ACOXL: variants seen among roughly 807,000 people sequenced by gnomAD.
The protein encoded by ACOXL is acyl-coenzyme A oxidase-like protein.
ACOXL carries 70 observed loss-of-function variants against 71.9 expected under a neutral mutation model. The ratio of observed to expected loss-of-function variants is 0.97; its 90% CI spans 0.80 to 1.19. ACOXL has a LOEUF of 1.19. ACOXL is among the 50% of genes most tolerant of loss of function. The pLI is 0.00. For missense variants in ACOXL, 703 were observed against 736.3 expected, an observed-to-expected ratio of 0.95 and a Z score of 0.52; for synonymous variants, 253 against 281.6, an observed-to-expected ratio of 0.90 and a Z score of 1.02.
At chr2:110,911,198 A>G (rs1029707728) in intron 11 of ACOXL, among the ~76,000 whole-genome samples, 1 of 152,168 alleles carries the variant, frequency 6.6e-6, no homozygotes, top group Non-Finnish European at 1.5e-5. Context: ...GAAAATTCTA[A>G]TAAACCAATC....
At position 111,118,017 on chromosome 2, in the gene ACOXL, G is replaced by T. The variant is rs1574815449; in HGVS notation, c.*201G>T. On this transcript the variant is annotated 3_prime_UTR_variant, in exon 18 of 18. Coordinates refer to ENST00000439055, the MANE Select transcript of ACOXL (RefSeq NM_001142807.4). ...GGAAAGAGATCCAGACGGTCGCCTG[G>T]TGCGCTGGATCCCTGTGCCCTTTCC... 6.2e-6 allele frequency: 4 copies of T among 647,452 alleles called. No individual in the cohort carries two copies. The South Asian group carries it at 7.8e-5, about 13-fold the overall frequency. The allele number at this position is 647,452 out of a possible 1,614,324, so 40.1% of individuals were successfully genotyped here. A position where few individuals can be genotyped will look rare whatever the true frequency, so the allele number is the denominator to read the frequency against.
chr2:110,994,884 C>T (rs1055181802), intron 13 of ACOXL, among the ~76,000 whole-genome samples: 2 of 152,156 alleles, frequency 1.3e-5, no homozygotes, highest in Non-Finnish European at 2.9e-5. Context: ...AAAACCTGAG[C>T]TTGACTGAGT....
Position 111,052,571 on chromosome 2 carries a change from G to A in ACOXL, c.1440+3283G>A, listed in dbSNP as rs145004037. Reference sequence around the variant, plus strand: ...AAGGGTAAGATAGCTGTTATCAGGAGTTGCCTCTCAGATTTCACTACAATT... The same window carrying A: ...AAGGGTAAGATAGCTGTTATCAGGAATTGCCTCTCAGATTTCACTACAATT... On this transcript the variant is annotated intron_variant, in intron 16 of 17. Coordinates refer to ENST00000439055, the MANE Select transcript of ACOXL (RefSeq NM_001142807.4). 1.5e-3 allele frequency among the ~76,000 whole-genome samples: 235 copies of A among 152,276 alleles called. 3 individuals carry two copies. The highest frequency in any genetic ancestry group is 2.8e-3 in the Non-Finnish European group (191 of 68,016).
rs543203762 is a variant in ACOXL at position 110,838,133 on chromosome 2, G to A, written c.754-3238G>A. ...TATGAGTGTGCATGTGTGCACATGC[G>A]GTGGTACACGTGTGTGCATGTATGT... On this transcript the variant is annotated intron_variant, in intron 9 of 17. Coordinates refer to ENST00000439055, the MANE Select transcript of ACOXL (RefSeq NM_001142807.4). Among the ~76,000 whole-genome samples the A allele has an allele frequency of 5.3e-5, 8 of 152,318 alleles. No homozygotes were observed. The East Asian group carries it at 5.8e-4, about 11-fold the overall frequency.
chr2:110,972,595 TACAC>T (rs1479734562), intron 12 of ACOXL, among the ~76,000 whole-genome samples: 1 of 151,650 alleles, frequency 6.6e-6, no homozygotes, highest in Admixed American at 6.6e-5. Context: ...AATACATATA[TACAC>T]ACACATGCAT....
At chr2:110,823,298 C>G (rs1688828580) in intron 9 of ACOXL, among the ~76,000 whole-genome samples, 1 of 151,372 alleles carries the variant, frequency 6.6e-6, no homozygotes, top group Non-Finnish European at 1.5e-5. Context: ...GACTGGATAG[C>G]TCGTTCTTTT....
intron 10 of ACOXL, among the ~76,000 whole-genome samples, chr2:110,850,061 C>A (rs1439053723): frequency 2.0e-5 from 3 of 152,082 alleles, no homozygotes; most frequent in African/African-American, 7.2e-5. Context: ...TATAAAAATT[C>A]AAAAACCAAG....
intron 6 of ACOXL, 38 bp downstream of exon 6, chr2:110,798,762 C>T (rs761497063): frequency 6.4e-7 from 1 of 1,561,590 alleles, no homozygotes; most frequent in Non-Finnish European, 8.8e-7. Context: ...TAATTCTCTT[C>T]ATTAGTACTA....
intron 8 of ACOXL, among the ~76,000 whole-genome samples, chr2:110,803,740 G>A (rs1247841486): frequency 6.6e-6 from 1 of 152,134 alleles, no homozygotes; most frequent in African/African-American, 2.4e-5. Flanking sequence ...CCTACAGAGT[G>A]GGAGAAAATA....
intron 16 of ACOXL, among the ~76,000 whole-genome samples, chr2:111,086,168 C>G (rs1036782225): frequency 6.6e-6 from 1 of 152,156 alleles, no homozygotes; most frequent in Non-Finnish European, 1.5e-5. Flanking sequence ...ACTACTGAAA[C>G]TATTTCAAAA....
At position 110,899,887 on chromosome 2, in the gene ACOXL, G is replaced by A. The variant is rs368429122; in HGVS notation, c.789-8902G>A. On this transcript the variant is annotated intron_variant, in intron 10 of 17. Coordinates refer to ENST00000439055, the MANE Select transcript of ACOXL (RefSeq NM_001142807.4). ...AACATTCAGGCTCCTCTCTAGGGTC[G>A]GCTGATTGACTCTGGAAAGAACTCG... is the stretch of plus-strand genomic sequence containing the variant. Among the ~76,000 whole-genome samples the A allele has an allele frequency of 4.1e-4, 63 of 152,176 alleles. No homozygotes were observed. The Middle Eastern group carries it at 0.014, about 33-fold the overall frequency.
At chr2:111,076,523 C>T (rs1286495280) in intron 16 of ACOXL, among the ~76,000 whole-genome samples, 1 of 151,892 alleles carries the variant, frequency 6.6e-6, no homozygotes, top group East Asian at 1.9e-4. Context: ...TTTTTTAAAA[C>T]ATTTATTTTA....
intron 15 of ACOXL, among the ~76,000 whole-genome samples, chr2:111,044,138 T>C (rs1002633158): frequency 6.6e-6 from 1 of 152,234 alleles, no homozygotes; most frequent in African/African-American, 2.4e-5. Flanking sequence ...TTATGTGAAC[T>C]CTGCAGCATG....
chr2:110,997,798 C>T (rs2063464258), intron 14 of ACOXL, among the ~76,000 whole-genome samples: 1 of 152,168 alleles, frequency 6.6e-6, no homozygotes, highest in South Asian at 2.1e-4. Flanking sequence ...CTCATGCCTG[C>T]AATTCCAGCA....
intron 9 of ACOXL, among the ~76,000 whole-genome samples, chr2:110,818,027 T>G (rs1472780548): frequency 6.6e-6 from 1 of 151,736 alleles, no homozygotes; most frequent in Non-Finnish European, 1.5e-5. Flanking sequence ...AATGCCTCCT[T>G]AATTTAGAGG....
intron 12 of ACOXL, chr2:110,968,335 G>T: frequency 8.5e-7 from 1 of 1,175,068 alleles, no homozygotes. Context: ...GGGAGCTGTG[G>T]CTGGAGGCTC....
At chr2:110,794,907 C>A (rs955831708) in intron 5 of ACOXL, among the ~76,000 whole-genome samples, 7 of 152,052 alleles carry the variant, frequency 4.6e-5, no homozygotes, top group Non-Finnish European at 8.8e-5. Context: ...TGCTTTGTAA[C>A]CCTCATGCCC....
chr2:110,827,431 G>A (rs2105586576), intron 9 of ACOXL, among the ~76,000 whole-genome samples: 1 of 152,312 alleles, frequency 6.6e-6, no homozygotes, highest in East Asian at 1.9e-4. Context: ...ACTGCATTTG[G>A]GGCCTGGGTC....
chr2:110,962,932 C>T (rs1259977190), intron 12 of ACOXL, among the ~76,000 whole-genome samples: 1 of 152,092 alleles, frequency 6.6e-6, no homozygotes, highest in Non-Finnish European at 1.5e-5. Flanking sequence ...AGTGCAGAGG[C>T]CCTCAGAAGG....
Sources: allele counts gnomAD v4.1 joint callset (sites outside exome capture counted in the v4.1 genomes callset), GRCh38; gene constraint gnomAD v4.1.1; transcripts MANE v1.5; gene names NCBI Gene and HGNC (gene_info 2026-07-23, HGNC 2026-07-21).